Variants in SLC17A3 observed in about 807,000 individuals in gnomAD.
SLC17A3 encodes the protein solute carrier family 17 member 3.
SLC17A3 carries 61 observed loss-of-function variants against 60.3 expected under a neutral mutation model. The observed-to-expected ratio is 1.01, with a 90% CI of 0.82 to 1.25. The LOEUF (loss-of-function observed/expected upper bound fraction) is 1.25, where lower values mean the gene tolerates loss of function less well. SLC17A3 is among the 50% of genes most tolerant of loss of function. SLC17A3 has a pLI of 0.00. For synonymous variants in SLC17A3, 192 were observed against 208.9 expected (o/e 0.92, Z 0.70); for missense variants, 624 against 594.9 (o/e 1.05, Z -0.51).
At chr6:25,862,505 C>T (rs935641254) in intron 2 of SLC17A3, 61 bp from the exon 3 acceptor site, 4 of 1,327,556 alleles carry the variant, frequency 3.0e-6, no homozygotes, top group African/African-American at 1.4e-5. Flanking sequence ...TAGTTTTTCA[C>T]AAGATATGAT....
chr6:25,873,075 C>T (rs1235019109), intron 1 of SLC17A3, among the ~76,000 whole-genome samples: 1 of 151,998 alleles, frequency 6.6e-6, no homozygotes, highest in Non-Finnish European at 1.5e-5. Flanking sequence ...CTGACCCTTC[C>T]CACACCCTGG....
At position 25,862,221 on chromosome 6, in the gene SLC17A3, T is replaced by A; in HGVS notation, c.303+12A>T. The A allele has an allele frequency of 1.2e-6, 2 of 1,601,136 alleles. No individual in the cohort carries two copies. Among genetic ancestry groups the A allele is most frequent in the Non-Finnish European group, 1.7e-6 (2 of 1,168,454 alleles). On this transcript the variant is annotated intron_variant, in intron 3 of 12. Coordinates refer to ENST00000397060, the MANE Select transcript of SLC17A3 (RefSeq NM_001098486.2). ...AAAAGAAAAGCACAAATTTATATCT[T>A]ATGTTGCTTACCTTTGCAGGAAGAC...
chr6:25,846,811 C>T (rs145262763), intron 11 of SLC17A3, among the ~76,000 whole-genome samples: 1,684 of 152,234 alleles, frequency 0.011, 13 homozygotes, highest in Non-Finnish European at 0.017. Context: ...CGGGGTTTCA[C>T]CATGTTGGCC....
chr6:25,854,416 C>A (rs9467622), intron 6 of SLC17A3, among the ~76,000 whole-genome samples: 10,829 of 128,224 alleles, frequency 0.084, 420 homozygotes, highest in Non-Finnish European at 0.11. Context: ...TTAATATATC[C>A]CCCCAGTTTT....
chr6:25,864,300 C>G (rs1327114118), intron 2 of SLC17A3, among the ~76,000 whole-genome samples: 1 of 151,822 alleles, frequency 6.6e-6, no homozygotes, highest in Non-Finnish European at 1.5e-5. Flanking sequence ...ATGGGGGCCA[C>G]TGGAGGGTTT....
intron 5 of SLC17A3, among the ~76,000 whole-genome samples, chr6:25,855,593 CA>C (rs1231564712): frequency 6.6e-6 from 1 of 152,174 alleles, no homozygotes; most frequent in Non-Finnish European, 1.5e-5. Context: ...CCATTAGTAA[CA>C]ATGTGTTATA....
At chr6:25,855,287 T>A in intron 5 of SLC17A3, 57 bp from the exon 6 acceptor site, 1 of 1,162,920 alleles carries the variant, frequency 8.6e-7, no homozygotes, top group Non-Finnish European at 1.3e-6. Flanking sequence ...GGAAAACACA[T>A]ACAAATTGAT....
At chr6:25,854,679 C>T (rs141980462) in intron 6 of SLC17A3, among the ~76,000 whole-genome samples, 172 of 152,286 alleles carry the variant, frequency 1.1e-3, no homozygotes, top group Non-Finnish European at 5.6e-4. Context: ...GGGACAAATG[C>T]GGAGGTTGGC....
chr6:25,860,997 G>C (rs1374346717), intron 5 of SLC17A3, among the ~76,000 whole-genome samples: 3 of 152,080 alleles, frequency 2.0e-5, no homozygotes, highest in African/African-American at 4.8e-5. Context: ...CTGGCTTCTT[G>C]GTACTCATAA....
intron 1 of SLC17A3, among the ~76,000 whole-genome samples, chr6:25,872,892 G>GAT (rs1765668225): frequency 3.3e-5 from 5 of 152,098 alleles, no homozygotes; most frequent in African/African-American, 7.2e-5. Context: ...GGTTTCACAT[G>GAT]ACAGTCTACC....
chr6:25,873,455 C>T (rs1561862638), intron 1 of SLC17A3, among the ~76,000 whole-genome samples: 1 of 152,058 alleles, frequency 6.6e-6, no homozygotes, highest in Non-Finnish European at 1.5e-5. Context: ...TCTTCCCACA[C>T]ATCTGTGAAG....
intron 5 of SLC17A3, among the ~76,000 whole-genome samples, chr6:25,857,904 T>C (rs151196468): frequency 6.6e-6 from 1 of 152,258 alleles, no homozygotes; most frequent in East Asian, 1.9e-4. Context: ...TCTCCTCCAA[T>C]CTATCCCAGG....
intron 5 of SLC17A3, among the ~76,000 whole-genome samples, chr6:25,857,439 A>G (rs1025750444): frequency 1.3e-5 from 2 of 151,568 alleles, no homozygotes; most frequent in South Asian, 4.2e-4. Flanking sequence ...TAATTTTTTT[A>G]ATGTGGTGTT....
At chr6:25,847,319 G>A (rs1297504141) in intron 11 of SLC17A3, among the ~76,000 whole-genome samples, 1 of 152,130 alleles carries the variant, frequency 6.6e-6, no homozygotes, top group East Asian at 1.9e-4. Flanking sequence ...TCATTGATGG[G>A]CATTTAGGTT....
rs114515327 is a variant in SLC17A3 at position 25,849,536 on chromosome 6, A to T, written c.1272-72T>A. ...AGTATCCTTCAGCCCTGATCCATGT[A>T]TGAATCTATAACTCAATTATATTTC... On this transcript the variant is annotated intron_variant, in intron 10 of 12. Coordinates refer to ENST00000397060, the MANE Select transcript of SLC17A3 (RefSeq NM_001098486.2). 1.3e-3 allele frequency: 1,161 copies of T among 910,152 alleles called. 14 individuals are homozygous for T. The African/African-American group carries it at 0.016, about 13-fold the overall frequency. 56.4% of individuals were successfully genotyped at this position (910,152 alleles called of 1,614,324 possible). A position where few individuals can be genotyped will look rare whatever the true frequency, so the allele number is the denominator to read the frequency against.
At chr6:25,866,913 A>G (rs182159818) in intron 2 of SLC17A3, among the ~76,000 whole-genome samples, 1 of 152,112 alleles carries the variant, frequency 6.6e-6, no homozygotes, top group East Asian at 1.9e-4. Context: ...GCATAGATAT[A>G]ATACAATAAT....
In SLC17A3 at chr6:25,859,804, G is replaced by A. The variant is rs527591109; in HGVS notation, c.625+1820C>T. On this transcript the variant is annotated intron_variant, in intron 5 of 12. Transcript: ENST00000397060. ...TGAACATTCTGCACACTTGATTCAG[G>A]TCATGCGATCCTTCTACCTGCTTGT... Among the ~76,000 whole-genome samples, 73 of 152,218 alleles carry A rather than the reference G, an allele frequency of 4.8e-4. No individual in the cohort carries two copies. In the South Asian group the frequency reaches 0.015, roughly 31 times the overall value.
chr6:25,864,940 G>C (rs776080492), intron 2 of SLC17A3, among the ~76,000 whole-genome samples: 2 of 151,972 alleles, frequency 1.3e-5, no homozygotes, highest in Non-Finnish European at 2.9e-5. Flanking sequence ...AAAGGAATGG[G>C]TGGTGGGATA....
In SLC17A3 at chr6:25,868,405, A is replaced by G. The variant is rs1174931977; in HGVS notation, c.-18T>C. 3 of 1,600,652 alleles carry G rather than the reference A, an allele frequency of 1.9e-6. No individual in the cohort carries two copies. In the Admixed American group the frequency reaches 5.0e-5, roughly 27 times the overall value. ...GTGGCCATTGTGTTTCTCCTCTCCT[A>G]GTGAATGGTTTTCACCTATCAGGGA... On this transcript the variant is annotated 5_prime_UTR_variant, in exon 2 of 13. Coordinates refer to ENST00000397060, the MANE Select transcript of SLC17A3 (RefSeq NM_001098486.2).
Sources: gnomAD v4.1 joint callset for allele counts (sites outside exome capture counted in the v4.1 genomes callset) on GRCh38, gnomAD v4.1.1 for gene constraint, MANE v1.5 for transcripts, NCBI Gene and HGNC (gene_info 2026-07-23, HGNC 2026-07-21) for gene names.